Variants in ACBD6 observed in about 807,000 individuals in gnomAD.
ACBD6 encodes acyl-CoA binding domain containing 6, also known as acyl-CoA-binding domain-containing protein 6.
Under a neutral mutation model 37.2 loss-of-function variants are expected in ACBD6, and 28 were observed. The observed-to-expected ratio is 0.75, with a 90% confidence interval of 0.56 to 1.03. The LOEUF (loss-of-function observed/expected upper bound fraction) is 1.03, where lower values mean the gene tolerates loss of function less well. ACBD6 is among the 50% of genes least tolerant of loss of function. The pLI, the probability that ACBD6 is intolerant of heterozygous loss-of-function variation, is 0.00. For synonymous variants in ACBD6, 113 were observed against 126.8 expected (o/e 0.89, Z 0.73); for missense variants, 340 against 337.4 (o/e 1.01, Z -0.06).
chr1:180,368,371 CTTAAG>C (rs955451174), intron 6 of ACBD6, among the ~76,000 whole-genome samples: 6 of 152,136 alleles, frequency 3.9e-5, no homozygotes, highest in African/African-American at 1.4e-4. Flanking sequence ...TGCAGAGGCT[CTTAAG>C]TTAATTAGAT....
chr1:180,430,275 G>GA lies in ACBD6; in HGVS notation c.385-14dup, dbSNP rs762625867. 37 of 1,607,302 alleles carry GA rather than the reference G, an allele frequency of 2.3e-5. No individual in the cohort carries two copies. The South Asian group carries it at 2.8e-4, about 12-fold the overall frequency. On this transcript the variant is annotated splice_polypyrimidine_tract_variant and intron_variant, in intron 3 of 7. Transcript: ENST00000367595. ...TCTTCTCTGGTATCTGTGGGAAGGA[G>GA]AAAAAAAAGTGAAAAAAAGACAAAT...
chr1:180,380,909 T>G (rs1283420451), intron 6 of ACBD6, among the ~76,000 whole-genome samples: 2 of 152,178 alleles, frequency 1.3e-5, no homozygotes, highest in Non-Finnish European at 2.9e-5. Context: ...AATTTTCCAC[T>G]TTAAAGACAC....
intron 6 of ACBD6, among the ~76,000 whole-genome samples, chr1:180,323,498 G>A (rs560179345): frequency 3.1e-4 from 47 of 152,136 alleles, no homozygotes; most frequent in Non-Finnish European, 5.7e-4. Context: ...ACAGTGGTAT[G>A]TTGGAGTCTC....
intron 6 of ACBD6, among the ~76,000 whole-genome samples, chr1:180,373,244 C>T (rs1653324674): frequency 6.6e-6 from 1 of 152,130 alleles, no homozygotes; most frequent in Non-Finnish European, 1.5e-5. Context: ...ACTGAAATTT[C>T]TCCTAATTTC....
intron 5 of ACBD6, among the ~76,000 whole-genome samples, chr1:180,403,540 T>C (rs1039153732): frequency 1.3e-5 from 2 of 152,192 alleles, no homozygotes; most frequent in Admixed American, 6.5e-5. Flanking sequence ...AATACGGATG[T>C]TCATTGTAAA....
At chr1:180,308,797 G>C (rs909482897) in intron 7 of ACBD6, among the ~76,000 whole-genome samples, 2 of 152,092 alleles carry the variant, frequency 1.3e-5, no homozygotes, top group African/African-American at 4.8e-5. Context: ...CCCATTTACC[G>C]CTATAGATAC....
intron 3 of ACBD6, among the ~76,000 whole-genome samples, chr1:180,464,252 C>T (rs1650264394): frequency 6.6e-6 from 1 of 152,192 alleles, no homozygotes; most frequent in East Asian, 1.9e-4. Flanking sequence ...GTCAAACTAT[C>T]TGTTTGCAGA....
chr1:180,439,503 A>C (rs1649194158), intron 3 of ACBD6, among the ~76,000 whole-genome samples: 1 of 152,066 alleles, frequency 6.6e-6, no homozygotes. Context: ...AGGCAGGAGA[A>C]TGGTGGAACT....
intron 6 of ACBD6, among the ~76,000 whole-genome samples, chr1:180,349,045 G>A (rs1652298502): frequency 6.6e-6 from 1 of 151,554 alleles, no homozygotes; most frequent in Non-Finnish European, 1.5e-5. Flanking sequence ...TTTTTCCTGA[G>A]TTTTTTTTAA....
intron 6 of ACBD6, among the ~76,000 whole-genome samples, chr1:180,335,287 A>T (rs1368157155): frequency 1.3e-5 from 2 of 152,202 alleles, no homozygotes; most frequent in Non-Finnish European, 2.9e-5. Context: ...CACAAAGGGA[A>T]GCCCGTCATA....
At chr1:180,476,178 C>G (rs1444465685) in intron 3 of ACBD6, among the ~76,000 whole-genome samples, 2 of 152,146 alleles carry the variant, frequency 1.3e-5, no homozygotes, top group Admixed American at 6.5e-5. Flanking sequence ...TTTGAGATCT[C>G]TGATGCAAAA....
Position 180,275,456 on chromosome 1 carries a change from T to C in ACBD6, c.*175-44A>G, listed in dbSNP as rs1183405121. The C allele has an allele frequency of 3.3e-5, 5 of 152,362 alleles. No homozygotes were observed. The East Asian group carries it at 5.8e-4, about 18-fold the overall frequency. The allele number at this position is 152,362 out of a possible 1,614,324, so 9.4% of individuals were successfully genotyped here. On this transcript the variant is annotated intron_variant, in intron 9 of 13. Transcript: ENST00000642319. Reference sequence around the variant, plus strand: ...AAAATGACAATCAATCAGTGAACATTTGTAGACACATTTGGATTCCAAACC... The same window carrying C: ...AAAATGACAATCAATCAGTGAACATCTGTAGACACATTTGGATTCCAAACC...
At chr1:180,365,690 T>C (rs570499710) in intron 6 of ACBD6, among the ~76,000 whole-genome samples, 1 of 152,340 alleles carries the variant, frequency 6.6e-6, no homozygotes, top group East Asian at 1.9e-4. Flanking sequence ...TGCCATCTCA[T>C]TGTTTACCTA....
intron 7 of ACBD6, among the ~76,000 whole-genome samples, chr1:180,302,153 T>G (rs981257290): frequency 6.6e-6 from 1 of 151,984 alleles, no homozygotes; most frequent in African/African-American, 2.4e-5. Flanking sequence ...ACCTGCATGT[T>G]GTGCACATGT....
At chr1:180,440,243 G>A (rs1557871795) in intron 3 of ACBD6, among the ~76,000 whole-genome samples, 1 of 151,976 alleles carries the variant, frequency 6.6e-6, no homozygotes, top group Non-Finnish European at 1.5e-5. Flanking sequence ...AGAGTAGCTG[G>A]GATTACAGAT....
chr1:180,297,479 T>C (rs1052341882), intron 7 of ACBD6, among the ~76,000 whole-genome samples: 2 of 152,098 alleles, frequency 1.3e-5, no homozygotes, highest in African/African-American at 2.4e-5. Flanking sequence ...GATACAGATA[T>C]TAATATCTGA....
At chr1:180,334,779 T>C (rs917810707) in intron 6 of ACBD6, among the ~76,000 whole-genome samples, 1 of 151,922 alleles carries the variant, frequency 6.6e-6, no homozygotes, top group African/African-American at 2.4e-5. Context: ...ATTAGACGAA[T>C]GGCTAACTAG....
chr1:180,475,111 A>G (rs371969225), intron 3 of ACBD6, among the ~76,000 whole-genome samples: 59 of 152,352 alleles, frequency 3.9e-4, no homozygotes, highest in African/African-American at 1.4e-3. Flanking sequence ...TCAAACTGAG[A>G]TAGTTTTGAC....
At chr1:180,371,212 A>G (rs891748684) in intron 6 of ACBD6, among the ~76,000 whole-genome samples, 1 of 151,942 alleles carries the variant, frequency 6.6e-6, no homozygotes, top group Non-Finnish European at 1.5e-5. Context: ...ATATATATAT[A>G]TATTTTGTAC....
Sources: gnomAD v4.1 joint callset for allele counts (sites outside exome capture counted in the v4.1 genomes callset) on GRCh38, gnomAD v4.1.1 for gene constraint, MANE v1.5 for transcripts, NCBI Gene and HGNC (gene_info 2026-07-23, HGNC 2026-07-21) for gene names.